SKIC2: variants seen among roughly 807,000 people sequenced by gnomAD.
SKIC2 encodes superkiller complex protein 2.
the SKIC2 span, chr6:31,963,595 GC>G: frequency 6.5e-7 from 1 of 1,533,644 alleles, no homozygotes; most frequent in Non-Finnish European, 8.8e-7. The surrounding 1 kb of genome is among the most constrained non-coding windows in gnomAD (Gnocchi z 5.3). Flanking sequence ...TTAGGGCTGG[GC>G]CCCCAGCTGG....
the SKIC2 span, chr6:31,968,655 AAGG>A: frequency 6.3e-7 from 1 of 1,583,458 alleles, no homozygotes; most frequent in Non-Finnish European, 8.7e-7. This position sits in a 1 kb window ranked among gnomAD's most constrained non-coding sequence, Gnocchi z 6.1. Context: ...GCTAAGGGGC[AAGG>A]AGAAGGCTGA....
At chr6:31,960,161 T>C in the SKIC2 span, 1 of 1,607,156 alleles carries the variant, frequency 6.2e-7, no homozygotes, top group Non-Finnish European at 8.5e-7. Flanking sequence ...GATGGGTTCC[T>C]GAAGGAAGCT....
At chr6:31,959,473 C>G in the SKIC2 span, 73 of 1,030,686 alleles carry the variant, frequency 7.1e-5, no homozygotes, top group Non-Finnish European at 1.1e-4. Flanking sequence ...ACAGTAGGAT[C>G]TAGCTTAACC....
chr6:31,965,537 A>G, the SKIC2 span, among the ~76,000 whole-genome samples: 1 of 152,228 alleles, frequency 6.6e-6, no homozygotes, highest in African/African-American at 2.4e-5. The surrounding 1 kb of genome is among the most constrained non-coding windows in gnomAD (Gnocchi z 5.6). Flanking sequence ...CATTGGAATG[A>G]TTGCAGTCAG....
At chr6:31,969,263 C>T in the SKIC2 span, 1 of 1,613,806 alleles carries the variant, frequency 6.2e-7, no homozygotes, top group East Asian at 2.2e-5. The surrounding 1 kb of genome is among the most constrained non-coding windows in gnomAD (Gnocchi z 6.1). Context: ...GCCTTAACCT[C>T]TCCTTCTTTC....
the SKIC2 span, chr6:31,961,716 TG>T: frequency 6.3e-7 from 1 of 1,597,164 alleles, no homozygotes. Flanking sequence ...TACCTCTTTC[TG>T]GGTCACACTC....
At chr6:31,966,074 C>A in the SKIC2 span, 4 of 1,058,518 alleles carry the variant, frequency 3.8e-6, no homozygotes, top group Non-Finnish European at 5.4e-6. This position sits in a 1 kb window ranked among gnomAD's most constrained non-coding sequence, Gnocchi z 5.9. Context: ...ATTCTGTCTT[C>A]GATTCTCCTC....
At chr6:31,961,143 C>G in the SKIC2 span, 3 of 1,606,124 alleles carry the variant, frequency 1.9e-6, no homozygotes, top group African/African-American at 1.3e-5. Flanking sequence ...TGTCCTTCTC[C>G]TAAGGAACAG....
chr6:31,961,085 G>A, the SKIC2 span: 6 of 1,613,398 alleles, frequency 3.7e-6, no homozygotes, highest in Non-Finnish European at 4.2e-6. Context: ...CATGGACTTT[G>A]CACCAAAAGG....
the SKIC2 span, chr6:31,960,465 A>G: frequency 6.2e-7 from 1 of 1,613,946 alleles, no homozygotes; most frequent in Non-Finnish European, 8.5e-7. Context: ...CTCGGCTACA[A>G]CCTCCTTGTC....
the SKIC2 span, chr6:31,968,902 C>A: frequency 6.2e-7 from 1 of 1,612,790 alleles, no homozygotes; most frequent in Non-Finnish European, 8.5e-7. The surrounding 1 kb of genome is among the most constrained non-coding windows in gnomAD (Gnocchi z 6.1). Context: ...GTGGACGAGG[C>A]GGGCACTGTG....
the SKIC2 span, chr6:31,966,624 G>A: frequency 1.4e-6 from 2 of 1,449,582 alleles, no homozygotes; most frequent in Non-Finnish European, 1.9e-6. The surrounding 1 kb of genome is among the most constrained non-coding windows in gnomAD (Gnocchi z 5.9). Context: ...GACCGGATCT[G>A]ACGGGAGTAG....
the SKIC2 span, chr6:31,965,836 A>G: frequency 6.2e-7 from 1 of 1,612,814 alleles, no homozygotes; most frequent in Non-Finnish European, 8.5e-7. This position sits in a 1 kb window ranked among gnomAD's most constrained non-coding sequence, Gnocchi z 5.6. Flanking sequence ...CTGCTCGTAC[A>G]GTAGTGTTTG....
chr6:31,967,496 C>T, the SKIC2 span: 2 of 823,538 alleles, frequency 2.4e-6, no homozygotes, highest in Non-Finnish European at 2.0e-6. The surrounding 1 kb of genome is among the most constrained non-coding windows in gnomAD (Gnocchi z 4.9). Context: ...CCCTCTTGCC[C>T]TCCTTTTCAC....
At chr6:31,964,960 A>C in the SKIC2 span, among the ~76,000 whole-genome samples, 2 of 152,200 alleles carry the variant, frequency 1.3e-5, no homozygotes, top group African/African-American at 4.8e-5. The surrounding 1 kb of genome is among the most constrained non-coding windows in gnomAD (Gnocchi z 5.0). Context: ...TCTACTAAAA[A>C]TACAAAAATT....
the SKIC2 span, chr6:31,967,353 C>A: frequency 6.2e-7 from 1 of 1,612,628 alleles, no homozygotes; most frequent in Non-Finnish European, 8.5e-7. This position sits in a 1 kb window ranked among gnomAD's most constrained non-coding sequence, Gnocchi z 4.9. Context: ...AGGAGCATCA[C>A]AACGCATTGG....
the SKIC2 span, among the ~76,000 whole-genome samples, chr6:31,964,710 T>C: frequency 6.6e-6 from 1 of 152,142 alleles, no homozygotes; most frequent in African/African-American, 2.4e-5. This position sits in a 1 kb window ranked among gnomAD's most constrained non-coding sequence, Gnocchi z 5.0. Context: ...ACTGGTAAAA[T>C]TTAGGAAACT....
At chr6:31,968,876 C>T in the SKIC2 span, 1 of 1,612,652 alleles carries the variant, frequency 6.2e-7, no homozygotes, top group Non-Finnish European at 8.5e-7. The surrounding 1 kb of genome is among the most constrained non-coding windows in gnomAD (Gnocchi z 6.1). Flanking sequence ...TGCAGGTGCT[C>T]CGAACCCTGG....
At chr6:31,961,719 G>C in the SKIC2 span, 1 of 1,595,690 alleles carries the variant, frequency 6.3e-7, no homozygotes, top group Non-Finnish European at 8.6e-7. Flanking sequence ...CTCTTTCTGG[G>C]TCACACTCCC....
Sources: gnomAD v4.1 joint callset for allele counts (sites outside exome capture counted in the v4.1 genomes callset) on GRCh38, gnomAD v4.1.1 for gene constraint, Gnocchi (gnomAD v3.1) non-coding constraint, MANE v1.5 for transcripts, NCBI Gene and HGNC (gene_info 2026-07-23, HGNC 2026-07-21) for gene names.